Variants in CAPZB observed in about 807,000 individuals in gnomAD.
CAPZB encodes capping actin protein of muscle Z-line subunit beta, also known as F-actin-capping protein subunit beta.
In CAPZB, 2 loss-of-function variants were observed where a neutral mutation model predicts 38.1. That is an observed-to-expected ratio of 0.05 (90% CI 0.02 to 0.17). CAPZB has a LOEUF of 0.17. CAPZB is among the 10% of genes least tolerant of loss of function. The pLI, the probability that CAPZB is intolerant of heterozygous loss-of-function variation, is 1.00. For missense variants in CAPZB, 161 were observed against 334.2 expected, an observed-to-expected ratio of 0.48 and a Z score of 4.04; for synonymous variants, 107 against 127.4, an observed-to-expected ratio of 0.84 and a Z score of 1.08.
chr1:19,448,843 T>C lies in CAPZB; in HGVS notation c.4-29093A>G, dbSNP rs747958374. On this transcript the variant is annotated intron_variant, in intron 1 of 8. Coordinates refer to ENST00000264202, the MANE Select transcript of CAPZB (RefSeq NM_004930.5). ...CTAAAGTGCGTGTCACCTTTCTAGGTTCTGGGTCACATCTTCTGGGCTGGC... is the reference window on the plus strand; with the variant it reads ...CTAAAGTGCGTGTCACCTTTCTAGGCTCTGGGTCACATCTTCTGGGCTGGC... 3.1e-6 allele frequency: 5 copies of C among 1,612,866 alleles called. No homozygotes were observed. The East Asian group carries it at 1.1e-4, about 36-fold the overall frequency.
At chr1:19,414,137 G>A (rs1223709032) in intron 2 of CAPZB, among the ~76,000 whole-genome samples, 1 of 152,100 alleles carries the variant, frequency 6.6e-6, no homozygotes, top group Non-Finnish European at 1.5e-5. Flanking sequence ...GTTCACTAAG[G>A]CTCGAATGTG....
chr1:19,460,860 T>C (rs1060468), intron 1 of CAPZB, among the ~76,000 whole-genome samples: 42,583 of 151,814 alleles, frequency 0.28, 7,060 homozygotes, highest in Middle Eastern at 0.42. Context: ...ATGTCTACTG[T>C]GTTCTGAACA....
intron 1 of CAPZB, among the ~76,000 whole-genome samples, chr1:19,432,322 G>C (rs1485043989): frequency 2.6e-5 from 4 of 152,068 alleles, no homozygotes; most frequent in Admixed American, 6.5e-5. Flanking sequence ...TATGCCTGTA[G>C]TCCTAGCTAC....
At chr1:19,346,452 TAAAAAAAAAA>T (rs200968507) in intron 6 of CAPZB, among the ~76,000 whole-genome samples, 8 of 73,252 alleles carry the variant, frequency 1.1e-4, no homozygotes, top group African/African-American at 2.4e-4. Context: ...TGAGAGAAGC[TAAAAAAAAAA>T]AAAAAAAAAA....
chr1:19,361,418 C>T (rs912313535), intron 4 of CAPZB, among the ~76,000 whole-genome samples: 2 of 152,180 alleles, frequency 1.3e-5, no homozygotes, highest in African/African-American at 4.8e-5. Context: ...CCTGACATTC[C>T]GAGACAAAGG....
At chr1:19,374,360 CTCAG>C (rs1218364195) in intron 4 of CAPZB, 1 of 152,238 alleles carries the variant, frequency 6.6e-6, no homozygotes. Context: ...CCTGGCAGCT[CTCAG>C]TCATTCGATG....
intron 4 of CAPZB, among the ~76,000 whole-genome samples, chr1:19,377,445 G>A (rs2094149826): frequency 1.3e-5 from 2 of 152,334 alleles, no homozygotes; most frequent in East Asian, 3.9e-4. Context: ...ATCTTCCCCA[G>A]AGGTTCTTGT....
At chr1:19,460,316 G>A (rs1342700350) in intron 1 of CAPZB, among the ~76,000 whole-genome samples, 1 of 152,130 alleles carries the variant, frequency 6.6e-6, no homozygotes, top group African/African-American at 2.4e-5. Flanking sequence ...TCGCTCTGTC[G>A]CCCAGGCTAC....
intron 2 of CAPZB, among the ~76,000 whole-genome samples, chr1:19,397,914 C>G (rs2094281038): frequency 1.3e-5 from 2 of 152,152 alleles, no homozygotes; most frequent in Admixed American, 1.3e-4. Flanking sequence ...TACCACTGAT[C>G]TGGGGGGCTC....
chr1:19,441,302 C>G (rs1050354779), intron 1 of CAPZB, among the ~76,000 whole-genome samples: 1 of 152,154 alleles, frequency 6.6e-6, no homozygotes, highest in African/African-American at 2.4e-5. Flanking sequence ...CTGAGCACAA[C>G]AGGAGTCCGT....
chr1:19,399,893 T>C (rs902166568), intron 2 of CAPZB, among the ~76,000 whole-genome samples: 3 of 152,142 alleles, frequency 2.0e-5, no homozygotes, highest in Admixed American at 6.5e-5. Context: ...AAAACAAACC[T>C]TTACTAAGCA....
intron 4 of CAPZB, among the ~76,000 whole-genome samples, chr1:19,378,174 G>T (rs1224297236): frequency 1.3e-5 from 2 of 152,240 alleles, no homozygotes; most frequent in Admixed American, 1.3e-4. Flanking sequence ...GTGAGGATTT[G>T]AGATGCTATG....
chr1:19,410,684 C>T (rs556363627), intron 2 of CAPZB, among the ~76,000 whole-genome samples: 77 of 152,342 alleles, frequency 5.1e-4, no homozygotes, highest in African/African-American at 1.8e-3. Flanking sequence ...CCCTTAGGTA[C>T]TTCCATGGTG....
At chr1:19,406,726 G>A (rs960340662) in intron 2 of CAPZB, among the ~76,000 whole-genome samples, 20 of 152,158 alleles carry the variant, frequency 1.3e-4, no homozygotes, top group African/African-American at 4.6e-4. Flanking sequence ...ACCTTGTGGT[G>A]TGCAGTTTAA....
chr1:19,417,757 C>A (rs1036484055), intron 2 of CAPZB, among the ~76,000 whole-genome samples: 3 of 152,122 alleles, frequency 2.0e-5, no homozygotes, highest in Admixed American at 2.0e-4. Context: ...TGCCCGACCG[C>A]CCCCAGCTCA....
chr1:19,339,224 T>C lies in CAPZB; in HGVS notation c.*306A>G, dbSNP rs539922293. ...GGAGGGAAGGGAGGCTGGCAGACAG[T>C]GGATTTTATGCCTATAAATGGGGGG... On this transcript the variant is annotated 3_prime_UTR_variant, in exon 9 of 9. Transcript: ENST00000264202. 118 of 373,168 alleles carry C rather than the reference T, an allele frequency of 3.2e-4. 2 individuals carry two copies. The East Asian group carries it at 5.9e-3, about 19-fold the overall frequency. The allele number at this position is 373,168 out of a possible 1,614,324, so 23.1% of individuals were successfully genotyped here. A position where few individuals can be genotyped will look rare whatever the true frequency, so the allele number is the denominator to read the frequency against.
intron 4 of CAPZB, among the ~76,000 whole-genome samples, chr1:19,376,855 G>A (rs7554483): frequency 0.12 from 17,987 of 152,188 alleles, 2,356 homozygotes; most frequent in African/African-American, 0.32. Flanking sequence ...CTGGAGCTGG[G>A]TAAGGATGGT....
At chr1:19,348,805 C>G (rs1032749068) in intron 6 of CAPZB, among the ~76,000 whole-genome samples, 2 of 151,636 alleles carry the variant, frequency 1.3e-5, no homozygotes, top group African/African-American at 4.9e-5. Context: ...GAACCTGCTG[C>G]CTCCCAAGTC....
intron 1 of CAPZB, among the ~76,000 whole-genome samples, chr1:19,457,640 G>A (rs2094537041): frequency 6.6e-6 from 1 of 152,170 alleles, no homozygotes; most frequent in African/African-American, 2.4e-5. Flanking sequence ...AGAAATTAAG[G>A]GAGAAAAGCG....
Sources: allele counts gnomAD v4.1 joint callset (sites outside exome capture counted in the v4.1 genomes callset), GRCh38; gene constraint gnomAD v4.1.1; transcripts MANE v1.5; gene names NCBI Gene and HGNC (gene_info 2026-07-23, HGNC 2026-07-21).